SPIRE1: variants seen among roughly 807,000 people sequenced by gnomAD.
SPIRE1 encodes the protein protein spire homolog 1.
Under a neutral mutation model 94.1 loss-of-function variants are expected in SPIRE1, and 40 were observed. The ratio of observed to expected loss-of-function variants is 0.43; its 90% CI spans 0.33 to 0.55. The LOEUF is 0.55. Ranked by LOEUF, SPIRE1 falls within the 20% of genes least tolerant of loss-of-function variation. The probability of loss-of-function intolerance (pLI) is 0.06; values close to 1 mark genes in which losing one functional copy is unlikely to be tolerated. For synonymous variants in SPIRE1, 376 were observed against 371.7 expected, an observed-to-expected ratio of 1.01 and a Z score of -0.13; for missense variants, 838 against 975.2, an observed-to-expected ratio of 0.86 and a Z score of 1.87.
intron 3 of SPIRE1, 143 bp from the exon 4 acceptor site, chr18:12,535,744 C>T (rs542174918): frequency 9.1e-5 from 57 of 624,912 alleles, no homozygotes; most frequent in East Asian, 6.4e-5. Context: ...ATCATGAGGT[C>T]GAGAGTTCAA....
At position 12,535,607 on chromosome 18, in the gene SPIRE1, G is replaced by T. The variant is rs372752229; in HGVS notation, c.604-6C>A. 7.5e-6 allele frequency: 12 copies of T among 1,605,532 alleles called. No individual in the cohort carries two copies. The highest frequency in any genetic ancestry group is 1.0e-5 in the Non-Finnish European group (12 of 1,175,542). On this transcript the variant is annotated splice_polypyrimidine_tract_variant and splice_region_variant and intron_variant, in intron 3 of 16. Transcript: ENST00000409402. ...GGGAGATGAGCAGCACACAACTATA[G>T]AAGGGGAAAATAAAATAATGGTGCT...
chr18:12,478,763 T>C (rs1163744659), intron 10 of SPIRE1, among the ~76,000 whole-genome samples: 1 of 152,076 alleles, frequency 6.6e-6, no homozygotes, highest in Non-Finnish European at 1.5e-5. Context: ...CAATGACGTA[T>C]ACAATACTGA....
intron 4 of SPIRE1, among the ~76,000 whole-genome samples, chr18:12,513,125 C>T (rs1198441150): frequency 6.6e-6 from 1 of 152,152 alleles, no homozygotes; most frequent in Non-Finnish European, 1.5e-5. Context: ...GAGGCAGAAT[C>T]CCATCTTCAG....
chr18:12,583,601 C>CA (rs1328734727), intron 2 of SPIRE1, among the ~76,000 whole-genome samples: 15 of 148,730 alleles, frequency 1.0e-4, no homozygotes, highest in East Asian at 2.0e-4. Context: ...ACTCCGTCTC[C>CA]AAAAAAGAAG....
At chr18:12,570,399 T>C (rs533548755) in intron 2 of SPIRE1, among the ~76,000 whole-genome samples, 1 of 152,328 alleles carries the variant, frequency 6.6e-6, no homozygotes, top group East Asian at 1.9e-4. Context: ...TCAGTTGTTA[T>C]CTAACAAACA....
chr18:12,510,414 T>C (rs973246031), intron 5 of SPIRE1, among the ~76,000 whole-genome samples: 5 of 152,154 alleles, frequency 3.3e-5, no homozygotes, highest in Non-Finnish European at 7.3e-5. Flanking sequence ...GAAAATAATG[T>C]GACAATTAAA....
At chr18:12,658,627 C>T, upstream of SPIRE1, 2 of 470,000 alleles carry the variant, frequency 4.3e-6, no homozygotes, top group Non-Finnish European at 8.8e-6. Context: ...GGAGCGGATG[C>T]CTAAGAAAAT....
chr18:12,617,802 A>G (rs2037354121), intron 2 of SPIRE1, among the ~76,000 whole-genome samples: 1 of 151,802 alleles, frequency 6.6e-6, no homozygotes, highest in Non-Finnish European at 1.5e-5. Flanking sequence ...GTGATCCACC[A>G]GCCTCAGCCT....
chr18:12,491,301 A>T (rs1156331578), intron 8 of SPIRE1, among the ~76,000 whole-genome samples: 2 of 131,540 alleles, frequency 1.5e-5, no homozygotes, highest in Non-Finnish European at 3.0e-5. Flanking sequence ...TAATCCTAAA[A>T]TTCCTATGGA....
In SPIRE1 at chr18:12,649,978, G is replaced by T. The variant is rs549566079; in HGVS notation, c.337+7552C>A. Among the ~76,000 whole-genome samples the T allele has an allele frequency of 5.1e-4, 77 of 152,212 alleles. No homozygotes were observed. The South Asian group carries it at 0.015, about 30-fold the overall frequency. ...CAGTAGGTCAGGCTTGGTGGCTCAC[G>T]CCTGTAATCCCAGCACTTTGGGAGA... is the stretch of plus-strand genomic sequence containing the variant. On this transcript the variant is annotated intron_variant, in intron 1 of 16. Coordinates refer to ENST00000409402, the MANE Select transcript of SPIRE1 (RefSeq NM_001128626.2).
chr18:12,551,665 G>A (rs185770870), intron 2 of SPIRE1, among the ~76,000 whole-genome samples: 1 of 151,776 alleles, frequency 6.6e-6, no homozygotes, highest in Non-Finnish European at 1.5e-5. Flanking sequence ...TCACGCCACT[G>A]CACTCCAGTC....
intron 2 of SPIRE1, among the ~76,000 whole-genome samples, chr18:12,616,340 C>T (rs768171602): frequency 6.6e-6 from 1 of 152,160 alleles, no homozygotes; most frequent in Non-Finnish European, 1.5e-5. Context: ...ATCCTCGACT[C>T]CATCTGGAGT....
At chr18:12,475,771 T>G (rs2032544801) in intron 10 of SPIRE1, among the ~76,000 whole-genome samples, 1 of 152,148 alleles carries the variant, frequency 6.6e-6, no homozygotes, top group African/African-American at 2.4e-5. Context: ...AACTACCACG[T>G]TTTGGAACTG....
intron 2 of SPIRE1, among the ~76,000 whole-genome samples, chr18:12,557,486 C>T (rs544857932): frequency 5.3e-5 from 8 of 152,266 alleles, no homozygotes; most frequent in South Asian, 2.1e-4. Flanking sequence ...TGCTGGCCCG[C>T]GAGCGCCTGG....
intron 7 of SPIRE1, among the ~76,000 whole-genome samples, chr18:12,494,665 T>TAAA (rs71172090): frequency 7.3e-6 from 1 of 137,754 alleles, no homozygotes. Flanking sequence ...CCGTCTCTAC[T>TAAA]AAAAAAAAAA....
intron 2 of SPIRE1, among the ~76,000 whole-genome samples, chr18:12,598,254 T>C (rs901025972): frequency 2.6e-5 from 4 of 152,200 alleles, no homozygotes; most frequent in African/African-American, 9.6e-5. Context: ...TCAGAAGAAA[T>C]GATTCTTTCA....
At chr18:12,612,075 T>G (rs1257821786) in intron 2 of SPIRE1, among the ~76,000 whole-genome samples, 1 of 152,010 alleles carries the variant, frequency 6.6e-6, no homozygotes, top group Non-Finnish European at 1.5e-5. Flanking sequence ...TCTCCTCTCT[T>G]CTCTTTGAAA....
At chr18:12,607,355 C>A (rs1198500504) in intron 2 of SPIRE1, among the ~76,000 whole-genome samples, 1 of 152,092 alleles carries the variant, frequency 6.6e-6, no homozygotes, top group Non-Finnish European at 1.5e-5. Flanking sequence ...TTATTGAGAT[C>A]CCTAAAGAGA....
rs1431146025 is a variant in SPIRE1 at position 12,497,342 on chromosome 18, A to C, written c.973-1240T>G. Among the ~76,000 whole-genome samples, 4 of 152,306 alleles carry C rather than the reference A, an allele frequency of 2.6e-5. No individual in the cohort carries two copies. The South Asian group carries it at 6.2e-4, about 24-fold the overall frequency. On this transcript the variant is annotated intron_variant, in intron 6 of 16. Coordinates refer to ENST00000409402, the MANE Select transcript of SPIRE1 (RefSeq NM_001128626.2). ...TTTTTTAAACCCAGAAAACCACAAG[A>C]AGCAACAACTTAAATTCCCATTCTG...
Sources: gnomAD v4.1 joint callset for allele counts (sites outside exome capture counted in the v4.1 genomes callset) on GRCh38, gnomAD v4.1.1 for gene constraint, MANE v1.5 for transcripts, NCBI Gene and HGNC (gene_info 2026-07-23, HGNC 2026-07-21) for gene names.